Variants in DACH2 observed in about 807,000 individuals in gnomAD.
DACH2 encodes the protein dachshund homolog 2.
In DACH2, 17 loss-of-function variants were observed where a neutral mutation model predicts 35.8. That is an observed-to-expected ratio of 0.48 (90% CI 0.33 to 0.71). The LOEUF (loss-of-function observed/expected upper bound fraction) is 0.71. Ranked by LOEUF, DACH2 falls within the 30% of genes least tolerant of loss-of-function variation. The probability of loss-of-function intolerance (pLI) is 0.02; values close to 1 mark genes in which losing one functional copy is unlikely to be tolerated. For missense variants in DACH2, 469 were observed against 472.7 expected (o/e 0.99, Z 0.07); for synonymous variants, 195 against 177.3 (o/e 1.10, Z -0.79).
chrX:86,180,176 GTATATATATATATATATA>G (rs72366047), intron 1 of DACH2, among the ~76,000 whole-genome samples: 38 of 42,915 alleles, frequency 8.9e-4, no homozygotes, highest in East Asian at 8.6e-3. Flanking sequence ...ATGCTAAACC[GTATATATATATATATATA>G]TATATATATA....
At chrX:86,356,375 T>C (rs1388100918) in intron 1 of DACH2, among the ~76,000 whole-genome samples, 4 of 108,003 alleles carry the variant, frequency 3.7e-5, no homozygotes, top group African/African-American at 1.4e-4. Flanking sequence ...TTCTCTATTC[T>C]GTTCTATTGG....
At chrX:86,345,101 C>A (rs957317345) in intron 1 of DACH2, among the ~76,000 whole-genome samples, 1 of 111,819 alleles carries the variant, frequency 8.9e-6, no homozygotes, top group South Asian at 3.7e-4. Flanking sequence ...TATAAGATTT[C>A]TCTTTTTTTC....
At chrX:86,251,870 C>A (rs2033408277) in intron 1 of DACH2, among the ~76,000 whole-genome samples, 1 of 111,629 alleles carries the variant, frequency 9.0e-6, no homozygotes, top group Non-Finnish European at 1.9e-5. Context: ...AGTGGAATTG[C>A]TGGGTCAAAT....
intron 1 of DACH2, among the ~76,000 whole-genome samples, chrX:86,219,622 C>T (rs143810867): frequency 0.012 from 1,376 of 111,361 alleles, 25 homozygotes; most frequent in African/African-American, 0.043. Context: ...TGCATATGTA[C>T]ATTGAAAATA....
intron 2 of DACH2, among the ~76,000 whole-genome samples, chrX:86,389,921 T>C (rs903188236): frequency 2.7e-5 from 3 of 111,795 alleles, no homozygotes; most frequent in African/African-American, 9.7e-5. Flanking sequence ...AAAATGCAAA[T>C]CCTTTTATGA....
chrX:86,492,806 A>G (rs6623684), intron 2 of DACH2, among the ~76,000 whole-genome samples: 21,305 of 111,253 alleles, frequency 0.19, 1,692 homozygotes, highest in African/African-American at 0.28. Flanking sequence ...ATGGCTGCAT[A>G]GTATTTCATG....
At chrX:86,202,933 T>C (rs2032193336) in intron 1 of DACH2, among the ~76,000 whole-genome samples, 1 of 111,438 alleles carries the variant, frequency 9.0e-6, no homozygotes, top group Admixed American at 9.6e-5. Context: ...TCTAATCGGA[T>C]TGATTAAAGC....
At chrX:86,454,591 A>G (rs2037440560) in intron 2 of DACH2, among the ~76,000 whole-genome samples, 1 of 111,870 alleles carries the variant, frequency 8.9e-6, no homozygotes, top group African/African-American at 3.3e-5. Context: ...TGCATTGTGA[A>G]ATTCTTGTTG....
chrX:86,506,108 G>A (rs2038319448), intron 2 of DACH2, among the ~76,000 whole-genome samples: 1 of 111,632 alleles, frequency 9.0e-6, no homozygotes, highest in African/African-American at 3.3e-5. Flanking sequence ...AGTCTGGATG[G>A]GCTTGACTGG....
At chrX:86,190,414 C>T (rs950029796) in intron 1 of DACH2, among the ~76,000 whole-genome samples, 4 of 111,370 alleles carry the variant, frequency 3.6e-5, no homozygotes, top group Admixed American at 9.6e-5. Context: ...TTTCAGCAGA[C>T]GTTTTAATCT....
chrX:86,461,745 G>A (rs776450002), intron 2 of DACH2, among the ~76,000 whole-genome samples: 1 of 111,375 alleles, frequency 9.0e-6, no homozygotes, highest in Non-Finnish European at 1.9e-5. Flanking sequence ...TATAAAAATG[G>A]AGGTTCTGTG....
chrX:86,460,966 G>A (rs898934974), intron 2 of DACH2, among the ~76,000 whole-genome samples: 1 of 111,254 alleles, frequency 9.0e-6, no homozygotes, highest in African/African-American at 3.3e-5. Context: ...TGCACAAATT[G>A]ATAGAGACTG....
At chrX:86,398,667 C>A (rs1171156321) in intron 2 of DACH2, among the ~76,000 whole-genome samples, 3 of 111,857 alleles carry the variant, frequency 2.7e-5, no homozygotes, top group South Asian at 3.7e-4. Flanking sequence ...TATTCAGGGG[C>A]AGGTTGTTCA....
At chrX:86,666,143 G>A (rs774259238) in intron 4 of DACH2, among the ~76,000 whole-genome samples, 4 of 111,232 alleles carry the variant, frequency 3.6e-5, no homozygotes, top group Non-Finnish European at 7.5e-5. Context: ...CATTTTGCCT[G>A]GTTCCTTTGC....
chrX:86,648,046 CAG>C (rs1193581524), intron 3 of DACH2, among the ~76,000 whole-genome samples: 1 of 101,456 alleles, frequency 9.9e-6, no homozygotes, highest in African/African-American at 3.4e-5. Flanking sequence ...AGTAAATGCT[CAG>C]TTATCGGTAA....
intron 7 of DACH2, among the ~76,000 whole-genome samples, chrX:86,782,698 TC>T (rs1428715053): frequency 1.2e-4 from 13 of 111,622 alleles, no homozygotes; most frequent in African/African-American, 4.2e-4. Flanking sequence ...AAACTGAATA[TC>T]CATATGCAGA....
chrX:86,500,232 T>C (rs1447326899), intron 2 of DACH2, among the ~76,000 whole-genome samples: 1 of 111,841 alleles, frequency 8.9e-6, no homozygotes, highest in Non-Finnish European at 1.9e-5. Flanking sequence ...TCAGTATGTC[T>C]TCGCCGATTA....
chrX:86,755,773 ATT>A (rs1294846257), intron 7 of DACH2, among the ~76,000 whole-genome samples: 3 of 107,719 alleles, frequency 2.8e-5, no homozygotes, highest in Non-Finnish European at 3.8e-5. Context: ...AATTTTTTGT[ATT>A]TTTAGTAGAG....
At position 86,714,271 on chromosome X, in the gene DACH2, G is replaced by T. The variant is rs763302761; in HGVS notation, c.932-277G>T. ...GCAATGATGTTTGGCTTAAAGATTT[G>T]TGTTTGTTTTATGGGTAAAAATTTT... On this transcript the variant is annotated intron_variant, in intron 5 of 11. Coordinates refer to ENST00000373125, the MANE Select transcript of DACH2 (RefSeq NM_053281.3). Among the ~76,000 whole-genome samples the T allele has an allele frequency of 1.3e-4, 15 of 111,900 alleles. No homozygotes were observed. In the East Asian group the frequency reaches 1.4e-3, roughly 10 times the overall value.
Sources: gnomAD v4.1 joint callset for allele counts (sites outside exome capture counted in the v4.1 genomes callset) on GRCh38, gnomAD v4.1.1 for gene constraint, MANE v1.5 for transcripts, NCBI Gene and HGNC (gene_info 2026-07-23, HGNC 2026-07-21) for gene names.